Variants in PAQR8 observed in about 807,000 individuals in gnomAD.
PAQR8 encodes progestin and adipoQ receptor family member 8.
A neutral mutation model predicts 25.2 loss-of-function variants in PAQR8; 17 were observed. The ratio of observed to expected loss-of-function variants is 0.67; its 90% CI spans 0.46 to 1.01. The LOEUF (loss-of-function observed/expected upper bound fraction) is 1.01, where lower values mean the gene tolerates loss of function less well. PAQR8 is among the 50% of genes least tolerant of loss of function. PAQR8 has a pLI of 0.00. For missense variants in PAQR8, 392 were observed against 448.4 expected (o/e 0.87, Z 1.14); for synonymous variants, 204 against 190.6 (o/e 1.07, Z -0.58).
chr6:52,379,793 ATT>A (rs1298680503), intron 1 of PAQR8, among the ~76,000 whole-genome samples: 3 of 151,958 alleles, frequency 2.0e-5, no homozygotes, highest in Non-Finnish European at 1.5e-5. Flanking sequence ...CGCCCGGCTA[ATT>A]TTTTTGTATT....
At position 52,403,358 on chromosome 6, in the gene PAQR8, C is replaced by T; in HGVS notation, c.145C>T (p.Pro49Ser). The T allele has an allele frequency of 1.2e-6, 2 of 1,614,272 alleles. No homozygotes were observed. The highest frequency in any genetic ancestry group is 1.7e-6 in the Non-Finnish European group (2 of 1,180,052). Residue 49 changes from proline (P) to serine (S), a missense_variant, in exon 2 of 2, where the codon CCT becomes TCT. Coordinates refer to ENST00000442253, the MANE Select transcript of PAQR8 (RefSeq NM_133367.5). ...GGATGTGCCCCAGCTCTTCCGGGAG[C>T]CTTACATCCGCACCGGCTACCGCCC... is the stretch of plus-strand genomic sequence containing the variant. ...ETDVPQLFRE[P>S]YIRTGYRPTG...
At chr6:52,364,083 GTT>G (rs67846872) in intron 1 of PAQR8, among the ~76,000 whole-genome samples, 2,760 of 84,312 alleles carry the variant, frequency 0.033, 117 homozygotes, top group East Asian at 0.21. Context: ...TGAAAGATAT[GTT>G]TTTTTTTTTT....
At chr6:52,377,169 A>C (rs1255113189) in intron 1 of PAQR8, among the ~76,000 whole-genome samples, 1 of 152,206 alleles carries the variant, frequency 6.6e-6, no homozygotes, top group Non-Finnish European at 1.5e-5. Context: ...TAGACACTGA[A>C]TAAGCTTAAA....
intron 1 of PAQR8, among the ~76,000 whole-genome samples, chr6:52,388,500 G>T (rs749962568): frequency 6.6e-6 from 1 of 152,186 alleles, no homozygotes; most frequent in South Asian, 2.1e-4. Flanking sequence ...GTGCTGAAAA[G>T]GTTGGGGACC....
chr6:52,368,116 A>AGTGTGTGTGTGT (rs1763374353), intron 1 of PAQR8, among the ~76,000 whole-genome samples: 1 of 152,118 alleles, frequency 6.6e-6, no homozygotes, highest in Non-Finnish European at 1.5e-5. Flanking sequence ...TGTAGTCCCA[A>AGTGTGTGTGTGT]CTACTTGGGA....
Position 52,368,803 on chromosome 6 carries a change from CTG to C in PAQR8, c.-53+6558_-53+6559del, listed in dbSNP as rs35240335. Among the ~76,000 whole-genome samples the C allele has an allele frequency of 9.5e-3, 1,446 of 152,170 alleles. 21 individuals carry two copies. Among genetic ancestry groups the C allele is most frequent in the African/African-American group, 0.032 (1,339 of 41,500 alleles). On this transcript the variant is annotated intron_variant, in intron 1 of 1. Transcript: ENST00000442253. ...AGATGAAGAGTGATATGGTTTAGCTCTGTGTCTCCCACCCAAATCTCACCTTG... is the reference window on the plus strand; with the variant it reads ...AGATGAAGAGTGATATGGTTTAGCTCTGTCTCCCACCCAAATCTCACCTTG...
intron 1 of PAQR8, among the ~76,000 whole-genome samples, chr6:52,397,988 G>C (rs531850241): frequency 6.6e-6 from 1 of 152,278 alleles, no homozygotes; most frequent in East Asian, 1.9e-4. Context: ...AGGCCTAAGA[G>C]GGAGGGGGGC....
chr6:52,378,590 A>G (rs1763513120), intron 1 of PAQR8, among the ~76,000 whole-genome samples: 1 of 151,836 alleles, frequency 6.6e-6, no homozygotes, highest in African/African-American at 2.4e-5. Context: ...CAGGAGTTCA[A>G]GACCAGCCTG....
At chr6:52,388,348 C>G (rs928326324) in intron 1 of PAQR8, among the ~76,000 whole-genome samples, 1 of 151,500 alleles carries the variant, frequency 6.6e-6, no homozygotes, top group African/African-American at 2.4e-5. Context: ...TGCACTCCAG[C>G]CTGGGCAACA....
At chr6:52,382,540 T>C (rs1408621760) in intron 1 of PAQR8, among the ~76,000 whole-genome samples, 1 of 152,082 alleles carries the variant, frequency 6.6e-6, no homozygotes, top group Non-Finnish European at 1.5e-5. Context: ...TAGCAACTAA[T>C]GTGGAAAAAC....
Position 52,400,513 on chromosome 6 carries a change from C to T in PAQR8, c.-52-2649C>T, listed in dbSNP as rs541128715. On this transcript the variant is annotated intron_variant, in intron 1 of 1. Transcript: ENST00000442253. ...TGGGGCTCAGGATGTGAGTTCAGGT[C>T]TCTCTGGCACCAATGTCATAACTGC... 5.8e-4 allele frequency among the ~76,000 whole-genome samples: 89 copies of T among 152,328 alleles called. 1 individual carries two copies. The highest frequency in any genetic ancestry group is 2.0e-3 in the African/African-American group (85 of 41,568).
chr6:52,375,591 AC>A (rs1179135887), intron 1 of PAQR8, among the ~76,000 whole-genome samples: 1 of 152,104 alleles, frequency 6.6e-6, no homozygotes, highest in Non-Finnish European at 1.5e-5. Context: ...ATAGCTTACT[AC>A]AGCCTCCCCT....
At chr6:52,375,057 T>C (rs1197358974) in intron 1 of PAQR8, among the ~76,000 whole-genome samples, 1 of 152,114 alleles carries the variant, frequency 6.6e-6, no homozygotes, top group African/African-American at 2.4e-5. Flanking sequence ...ATTATTGATA[T>C]GATCACTACT....
At position 52,404,296 on chromosome 6, in the gene PAQR8, A is replaced by C. The variant is rs1483038887; in HGVS notation, c.*18A>C. The C allele has an allele frequency of 1.3e-6, 2 of 1,558,614 alleles. No homozygotes were observed. Among genetic ancestry groups the C allele is most frequent in the African/African-American group, 2.7e-5 (2 of 73,582 alleles). ...ATTCCTGAGGCTGGCAAGTGGGGCA[A>C]CGTGTGGAGGAAGCCCCTCATAATT... On this transcript the variant is annotated 3_prime_UTR_variant, in exon 2 of 2. Coordinates refer to ENST00000442253, the MANE Select transcript of PAQR8 (RefSeq NM_133367.5).
chr6:52,403,248 T>G lies in PAQR8; in HGVS notation c.35T>G (p.Leu12Arg). The G allele has an allele frequency of 6.2e-7, 1 of 1,609,444 alleles. No individual in the cohort carries two copies. ...GCCATCTTGGAGCGCCTGAGCACCC[T>G]GTCGGTCAGCGGGCAGCAGCTGCGC... ...TTAILERLST[L>R]SVSGQQLRRL... The change falls in exon 2 of 2, where the codon CTG (leucine) becomes CGG (arginine). Residue 12 changes from leucine (L) to arginine (R), a missense_variant. Leu to Arg is a moderately radical substitution (Grantham distance 102, BLOSUM62 -2). Coordinates refer to ENST00000442253, the MANE Select transcript of PAQR8 (RefSeq NM_133367.5).
Position 52,405,894 on chromosome 6 carries a change from A to G in PAQR8, c.*1616A>G. On this transcript the variant is annotated 3_prime_UTR_variant, in exon 2 of 2. Transcript: ENST00000442253. ...TTGCTCTTCAACTAGTGAATGAAAGAAACTTCAGAAAGCTAGAATTGCTTA... is the reference window on the plus strand; with the variant it reads ...TTGCTCTTCAACTAGTGAATGAAAGGAACTTCAGAAAGCTAGAATTGCTTA... 6.0e-6 allele frequency: 1 copy of G among 167,092 alleles called. No homozygotes were observed. The allele number at this position is 167,092 out of a possible 1,614,324, so 10.4% of individuals were successfully genotyped here. A position where few individuals can be genotyped will look rare whatever the true frequency, so the allele number is the denominator to read the frequency against.
At chr6:52,374,694 G>A (rs974590342) in intron 1 of PAQR8, among the ~76,000 whole-genome samples, 4 of 152,052 alleles carry the variant, frequency 2.6e-5, no homozygotes, top group African/African-American at 4.8e-5. Flanking sequence ...TGAGCCTATA[G>A]GTATTTGCTT....
At position 52,406,397 on chromosome 6, in the gene PAQR8, A is replaced by G. The variant is rs1763909945; in HGVS notation, c.*2119A>G. ...AGTTCAAATCCACGTATTTTTTAAA[A>G]GAGAGAACCGGAGGTAGAGCAATGA... On this transcript the variant is annotated 3_prime_UTR_variant, in exon 2 of 2. Transcript: ENST00000442253. 2.6e-6 allele frequency: 1 copy of G among 383,384 alleles called. No individual in the cohort carries two copies. The highest frequency in any genetic ancestry group is 4.9e-6 in the Non-Finnish European group (1 of 204,532). The allele number at this position is 383,384 out of a possible 1,614,324, so 23.7% of individuals were successfully genotyped here.
intron 1 of PAQR8, among the ~76,000 whole-genome samples, chr6:52,372,362 C>T (rs572082614): frequency 3.9e-5 from 6 of 152,090 alleles, no homozygotes; most frequent in Admixed American, 2.6e-4. Context: ...TAATGATCAA[C>T]TTATTGTTAC....
Sources: gnomAD v4.1 joint callset for allele counts (sites outside exome capture counted in the v4.1 genomes callset) on GRCh38, gnomAD v4.1.1 for gene constraint, MANE v1.5 for transcripts, NCBI Gene and HGNC (gene_info 2026-07-23, HGNC 2026-07-21) for gene names.